Variants in ARHGEF10 observed in about 807,000 individuals in gnomAD.
ARHGEF10 encodes the protein Rho guanine nucleotide exchange factor (GEF) 10.
A neutral mutation model predicts 147.4 loss-of-function variants in ARHGEF10; 140 were observed. The ratio of observed to expected loss-of-function variants is 0.95; its 90% CI spans 0.83 to 1.09. The LOEUF (loss-of-function observed/expected upper bound fraction) is 1.09. ARHGEF10 is among the 50% of genes least tolerant of loss of function. The probability of loss-of-function intolerance (pLI) is 0.00; values close to 1 mark genes in which losing one functional copy is unlikely to be tolerated. For missense variants in ARHGEF10, 2,222 were observed against 1,752.7 expected (o/e 1.27, Z -4.78); for synonymous variants, 902 against 695.8 (o/e 1.30, Z -4.67).
chr8:1,939,509 G>A (rs183161122), intron 26 of ARHGEF10, among the ~76,000 whole-genome samples: 67 of 152,370 alleles, frequency 4.4e-4, no homozygotes, highest in African/African-American at 1.5e-3. Flanking sequence ...CCGAAATCCA[G>A]GGGCATTGCA....
intron 28 of ARHGEF10, among the ~76,000 whole-genome samples, chr8:1,954,992 TGGA>T: frequency 6.9e-6 from 1 of 145,576 alleles, no homozygotes; most frequent in Non-Finnish European, 1.5e-5. Flanking sequence ...ACTGTTCCTC[TGGA>T]GGATAGCCAG....
chr8:1,919,625 A>C (rs1183112246), intron 18 of ARHGEF10, among the ~76,000 whole-genome samples: 1 of 142,834 alleles, frequency 7.0e-6, no homozygotes, highest in Non-Finnish European at 1.5e-5. Flanking sequence ...CTGTCAAGTG[A>C]CAGAGCTGTT....
rs1204385023 is a variant in ARHGEF10 at position 1,825,996 on chromosome 8, A to G, written c.-48+1883A>G. 4 of 858,532 alleles carry G rather than the reference A, an allele frequency of 4.7e-6. No homozygotes were observed. In the East Asian group the frequency reaches 1.1e-4, roughly 23 times the overall value. 53.2% of individuals were successfully genotyped at this position (858,532 alleles called of 1,614,324 possible). A position where few individuals can be genotyped will look rare whatever the true frequency, so the allele number is the denominator to read the frequency against. On this transcript the variant is annotated intron_variant, in intron 1 of 28. Coordinates refer to ENST00000349830, the MANE Select transcript of ARHGEF10 (RefSeq NM_014629.4). ...AAAAGAGAGATGATTACTGAGGTTT[A>G]CACGTCATGTATTTTTAAAAACACA...
At chr8:1,849,281 GCC>G in intron 2 of ARHGEF10, among the ~76,000 whole-genome samples, 2 of 151,074 alleles carry the variant, frequency 1.3e-5, no homozygotes, top group Admixed American at 6.6e-5. Flanking sequence ...GCGTAGGGCG[GCC>G]GTGTGGACAC....
chr8:1,862,646 C>T lies in ARHGEF10; in HGVS notation c.482-1727C>T, dbSNP rs1317573254. On this transcript the variant is annotated intron_variant, in intron 4 of 28. Coordinates refer to ENST00000349830, the MANE Select transcript of ARHGEF10 (RefSeq NM_014629.4). ...GGGAGTCTGTGCTCCTGGACACCCC[C>T]GTGGGGGAGACATTTCTCACCGTGC... Among the ~76,000 whole-genome samples the T allele has an allele frequency of 5.3e-5, 8 of 152,320 alleles. 1 individual carries two copies. Among genetic ancestry groups the T allele is most frequent in the African/African-American group, 9.6e-5 (4 of 41,558 alleles).
At chr8:1,919,864 G>A (rs73182782) in intron 18 of ARHGEF10, among the ~76,000 whole-genome samples, 21,024 of 139,734 alleles carry the variant, frequency 0.15, 2,143 homozygotes, top group Middle Eastern at 0.19. Flanking sequence ...GTGGATGATG[G>A]AGCTGCTCTG....
intron 18 of ARHGEF10, among the ~76,000 whole-genome samples, chr8:1,918,495 T>C (rs1360195605): frequency 6.6e-6 from 1 of 150,790 alleles, no homozygotes; most frequent in Non-Finnish European, 1.5e-5. Context: ...TGTGTGTGTG[T>C]GTGTGTGTGT....
intron 11 of ARHGEF10, among the ~76,000 whole-genome samples, chr8:1,890,553 G>A (rs1563242088): frequency 6.7e-6 from 1 of 148,944 alleles, no homozygotes; most frequent in African/African-American, 2.6e-5. Flanking sequence ...AGTGGGGTGA[G>A]AGTTTTGAGG....
intron 27 of ARHGEF10, among the ~76,000 whole-genome samples, chr8:1,946,861 TG>T (rs1444889106): frequency 6.6e-6 from 1 of 152,092 alleles, no homozygotes; most frequent in Non-Finnish European, 1.5e-5. Context: ...CCACTGGAGA[TG>T]GGAGGGTGAA....
intron 6 of ARHGEF10, among the ~76,000 whole-genome samples, chr8:1,866,977 G>A (rs553916456): frequency 2.7e-5 from 4 of 150,826 alleles, no homozygotes. Flanking sequence ...GAGATGCAGT[G>A]TCTGGCACCC....
At chr8:1,921,526 G>A (rs989292540) in intron 18 of ARHGEF10, among the ~76,000 whole-genome samples, 6 of 152,114 alleles carry the variant, frequency 3.9e-5, no homozygotes, top group Non-Finnish European at 2.9e-5. Flanking sequence ...TCAGGAGTTC[G>A]AGACCAGCCT....
chr8:1,885,635 G>C lies in ARHGEF10; in HGVS notation c.1110G>C (p.Leu370Phe), dbSNP rs9657362. 248,759 of 1,612,786 alleles carry C rather than the reference G, an allele frequency of 0.15. 21,612 individuals carry two copies. The highest frequency in any genetic ancestry group is 0.29 in the East Asian group (12,818 of 44,860). Reference sequence around the variant, plus strand: ...CTTCTCTTGAGGAAGAACAGAATTTGTTCATTGATGTTGACTGCAAGCACC... The same window carrying C: ...CTTCTCTTGAGGAAGAACAGAATTTCTTCATTGATGTTGACTGCAAGCACC... ...HRSSLEEEQN[L>F]FIDVDCKHPE... The change falls in exon 11 of 29, where the codon TTG (leucine) becomes TTC (phenylalanine). Residue 370 changes from leucine to phenylalanine, a missense_variant. Physicochemically the swap from Leu to Phe is conservative, Grantham distance 22. Transcript: ENST00000349830.
intron 2 of ARHGEF10, among the ~76,000 whole-genome samples, chr8:1,857,608 T>C (rs780162694): frequency 8.6e-5 from 13 of 152,026 alleles, no homozygotes; most frequent in East Asian, 3.9e-4. Context: ...TTAGTAGAGA[T>C]GGGGTTTCAC....
intron 18 of ARHGEF10, among the ~76,000 whole-genome samples, chr8:1,917,681 C>T (rs1811860471): frequency 6.6e-6 from 1 of 152,240 alleles, no homozygotes; most frequent in African/African-American, 2.4e-5. Flanking sequence ...ACTTCGCTCA[C>T]AGAACTGAAA....
At chr8:1,945,798 G>A in intron 27 of ARHGEF10, 143 bp downstream of exon 27, 1 of 1,258,418 alleles carries the variant, frequency 7.9e-7, no homozygotes, top group Non-Finnish European at 1.1e-6. Context: ...GTGGGACAAG[G>A]CCCAGGGACA....
intron 28 of ARHGEF10, among the ~76,000 whole-genome samples, chr8:1,954,891 C>T (rs898455973): frequency 1.3e-5 from 2 of 152,252 alleles, no homozygotes; most frequent in East Asian, 1.9e-4. Flanking sequence ...TAGTGCTTTC[C>T]TCTCCCTGCC....
At chr8:1,888,616 T>TAG (rs1809022179) in intron 11 of ARHGEF10, among the ~76,000 whole-genome samples, 1 of 117,374 alleles carries the variant, frequency 8.5e-6, no homozygotes, top group Admixed American at 7.8e-5. Flanking sequence ...TGTGGTGAGG[T>TAG]TTGTGAGGAA....
At chr8:1,945,972 G>A (rs1488424952) in intron 27 of ARHGEF10, 5 of 497,232 alleles carry the variant, frequency 1.0e-5, no homozygotes, top group African/African-American at 7.7e-5. Context: ...CTCATCATCG[G>A]TGCAACAAGG....
chr8:1,861,515 AG>A (rs930852991), intron 4 of ARHGEF10, among the ~76,000 whole-genome samples: 26 of 152,208 alleles, frequency 1.7e-4, no homozygotes, highest in African/African-American at 6.0e-4. Flanking sequence ...CAGGATTCCC[AG>A]GGTTCATGGG....
Sources: allele counts gnomAD v4.1 joint callset (sites outside exome capture counted in the v4.1 genomes callset), GRCh38; gene constraint gnomAD v4.1.1; transcripts MANE v1.5; gene names NCBI Gene and HGNC (gene_info 2026-07-23, HGNC 2026-07-21).